The following WNT7A variants were observed in gnomAD, a reference collection of about 807,000 sequenced individuals.
WNT7A encodes the protein protein Wnt-7a.
Under a neutral mutation model 28.2 loss-of-function variants are expected in WNT7A, and 16 were observed. The ratio of observed to expected loss-of-function variants is 0.57; its 90% CI spans 0.38 to 0.86. The LOEUF (loss-of-function observed/expected upper bound fraction) is 0.86. Ranked by LOEUF, WNT7A falls within the 40% of genes least tolerant of loss-of-function variation. The pLI, the probability that WNT7A is intolerant of heterozygous loss-of-function variation, is 0.00. For missense variants in WNT7A, 411 were observed against 489.7 expected, an observed-to-expected ratio of 0.84 and a Z score of 1.52; for synonymous variants, 190 against 195.9, an observed-to-expected ratio of 0.97 and a Z score of 0.25.
chr3:13,865,942 A>C (rs1694904267), intron 2 of WNT7A, among the ~76,000 whole-genome samples: 1 of 152,222 alleles, frequency 6.6e-6, no homozygotes, highest in South Asian at 2.1e-4. Context: ...CTGCAAAGAC[A>C]ACAGTGCAGG....
Position 13,835,627 on chromosome 3 carries a change from C to T in WNT7A, c.571-16204G>A, listed in dbSNP as rs548667377. ...GAGACCTGGGCTCTGTCAGGGACAA[C>T]CCCAAAGATGGTGGACTTCAAAGAG... is the stretch of plus-strand genomic sequence containing the variant. On this transcript the variant is annotated intron_variant, in intron 3 of 3. Coordinates refer to ENST00000285018, the MANE Select transcript of WNT7A (RefSeq NM_004625.4). Among the ~76,000 whole-genome samples the T allele has an allele frequency of 2.0e-5, 3 of 152,370 alleles. No individual in the cohort carries two copies. In the South Asian group the frequency reaches 6.2e-4, roughly 32 times the overall value.
At chr3:13,876,962 A>G (rs980131777) in intron 1 of WNT7A, 1 of 152,112 alleles carries the variant, frequency 6.6e-6, no homozygotes, top group Non-Finnish European at 1.5e-5. Context: ...TTTAATTTGC[A>G]TGCTCACTTG....
At chr3:13,832,512 C>G (rs1694298089) in intron 3 of WNT7A, among the ~76,000 whole-genome samples, 1 of 151,706 alleles carries the variant, frequency 6.6e-6, no homozygotes, top group South Asian at 2.1e-4. Flanking sequence ...TACTCTTTCT[C>G]CTGCTCTTCC....
At chr3:13,854,848 A>G in intron 2 of WNT7A, 45 bp from the exon 3 acceptor site, 1 of 1,607,890 alleles carries the variant, frequency 6.2e-7, no homozygotes, top group South Asian at 1.1e-5. Context: ...TCAGGTCCCA[A>G]GCATCTGAGA....
At chr3:13,862,230 C>A (rs939419593) in intron 2 of WNT7A, among the ~76,000 whole-genome samples, 1 of 152,200 alleles carries the variant, frequency 6.6e-6, no homozygotes, top group South Asian at 2.1e-4. Context: ...ATCACTGAGA[C>A]GAAAATGGGG....
At chr3:13,878,553 G>A (rs889104904) in intron 1 of WNT7A, among the ~76,000 whole-genome samples, 3 of 152,130 alleles carry the variant, frequency 2.0e-5, no homozygotes, top group African/African-American at 7.2e-5. Context: ...GGTCGGCTCT[G>A]CACGCACCTG....
At chr3:13,878,179 G>A (rs1695140760) in intron 1 of WNT7A, among the ~76,000 whole-genome samples, 1 of 152,144 alleles carries the variant, frequency 6.6e-6, no homozygotes, top group African/African-American at 2.4e-5. Flanking sequence ...GGGAGGCCGC[G>A]GCGCCGGCGG....
chr3:13,865,605 CA>C (rs1417713385), intron 2 of WNT7A, among the ~76,000 whole-genome samples: 1 of 152,160 alleles, frequency 6.6e-6, no homozygotes, highest in Non-Finnish European at 1.5e-5. Flanking sequence ...GTCACTCACG[CA>C]ACAGAGAAAA....
chr3:13,827,149 AGT>A (rs1694208750), intron 3 of WNT7A, among the ~76,000 whole-genome samples: 2 of 152,198 alleles, frequency 1.3e-5, no homozygotes, highest in South Asian at 4.1e-4. Flanking sequence ...TGTTGGCAGG[AGT>A]CAGAGAGCAG....
chr3:13,860,437 T>C lies in WNT7A; in HGVS notation c.299-5634A>G, dbSNP rs145719906. On this transcript the variant is annotated intron_variant, in intron 2 of 3. Coordinates refer to ENST00000285018, the MANE Select transcript of WNT7A (RefSeq NM_004625.4). ...AAAACGAGATGGCATTCAGTTGTTA[T>C]CAATTAAAACTTATCAATAAATAAT... Among the ~76,000 whole-genome samples the C allele has an allele frequency of 3.6e-3, 554 of 152,334 alleles. 4 individuals carry two copies. Among genetic ancestry groups the C allele is most frequent in the African/African-American group, 0.013 (528 of 41,570 alleles).
At chr3:13,836,362 C>T (rs372272974) in intron 3 of WNT7A, among the ~76,000 whole-genome samples, 196 of 152,330 alleles carry the variant, frequency 1.3e-3, no homozygotes, top group Non-Finnish European at 2.5e-3. Context: ...AGCATCCGCA[C>T]GCTCTCCCCA....
chr3:13,856,787 C>T (rs990659881), intron 2 of WNT7A, among the ~76,000 whole-genome samples: 7 of 151,700 alleles, frequency 4.6e-5, no homozygotes, highest in East Asian at 3.9e-4. Context: ...CACTGCACTC[C>T]ATCCTGGGTG....
At chr3:13,846,874 G>A (rs1163919335) in intron 3 of WNT7A, among the ~76,000 whole-genome samples, 9 of 152,234 alleles carry the variant, frequency 5.9e-5, no homozygotes, top group Non-Finnish European at 1.0e-4. Flanking sequence ...GGCCTGCCCC[G>A]GCTGCCCACG....
intron 2 of WNT7A, among the ~76,000 whole-genome samples, chr3:13,865,859 T>C (rs962119583): frequency 6.6e-6 from 1 of 152,056 alleles, no homozygotes; most frequent in Non-Finnish European, 1.5e-5. Context: ...TGGAGCCTCA[T>C]GATGGCAGAG....
chr3:13,817,061 C>G lies in WNT7A; in HGVS notation c.*1883G>C, dbSNP rs1030955226. 6.6e-6 allele frequency: 1 copy of G among 152,300 alleles called. No individual in the cohort carries two copies. Among genetic ancestry groups the G allele is most frequent in the Non-Finnish European group, 1.5e-5 (1 of 68,100 alleles). The allele number at this position is 152,300 out of a possible 1,614,324, so 9.4% of individuals were successfully genotyped here. ...TGAGGAGTCAGACACAGCCTAGATA[C>G]TGAAGGGCTCCCAGCAGGTGGGGCC... On this transcript the variant is annotated 3_prime_UTR_variant, in exon 4 of 4. Coordinates refer to ENST00000285018, the MANE Select transcript of WNT7A (RefSeq NM_004625.4).
intron 3 of WNT7A, among the ~76,000 whole-genome samples, chr3:13,829,529 A>AAGGGC (rs1271657323): frequency 6.6e-6 from 1 of 152,196 alleles, no homozygotes; most frequent in African/African-American, 2.4e-5. Flanking sequence ...ACAGGGCTAG[A>AAGGGC]AGGGCAGGGC....
rs192142296 is a variant in WNT7A at position 13,817,391 on chromosome 3, G to A, written c.*1553C>T. ...GAGGCGCTGCAAGGCGCAAAGTCAC[G>A]TGACTACACTCAAGTCCCTAAGAAG... On this transcript the variant is annotated 3_prime_UTR_variant, in exon 4 of 4. Coordinates refer to ENST00000285018, the MANE Select transcript of WNT7A (RefSeq NM_004625.4). 6.6e-5 allele frequency: 10 copies of A among 151,212 alleles called. No individual in the cohort carries two copies. The highest frequency in any genetic ancestry group is 1.5e-4 in the African/African-American group (6 of 41,080). 9.4% of individuals were successfully genotyped at this position (151,212 alleles called of 1,614,324 possible).
chr3:13,842,955 G>A (rs1694485322), intron 3 of WNT7A, among the ~76,000 whole-genome samples: 1 of 152,160 alleles, frequency 6.6e-6, no homozygotes, highest in Non-Finnish European at 1.5e-5. Flanking sequence ...CAAGGGCAGA[G>A]GCCCCCTCTG....
In WNT7A at chr3:13,828,746, C is replaced by T. The variant is rs376840195; in HGVS notation, c.571-9323G>A. 9.2e-5 allele frequency among the ~76,000 whole-genome samples: 14 copies of T among 152,304 alleles called. 1 individual carries two copies. Among genetic ancestry groups the T allele is most frequent in the South Asian group, 8.3e-4 (4 of 4,828 alleles). ...CCCTCTGAGGTTGGCCAGCCTGGCTCCTCTGCAGGGAGTGGTCAGTTCTGG... is the reference window on the plus strand; with the variant it reads ...CCCTCTGAGGTTGGCCAGCCTGGCTTCTCTGCAGGGAGTGGTCAGTTCTGG... On this transcript the variant is annotated intron_variant, in intron 3 of 3. Coordinates refer to ENST00000285018, the MANE Select transcript of WNT7A (RefSeq NM_004625.4).
Sources: allele counts gnomAD v4.1 joint callset (sites outside exome capture counted in the v4.1 genomes callset), GRCh38; gene constraint gnomAD v4.1.1; transcripts MANE v1.5; gene names NCBI Gene and HGNC (gene_info 2026-07-23, HGNC 2026-07-21).